The following ABTB2 variants were observed in gnomAD, a reference collection of about 807,000 sequenced individuals.
The protein encoded by ABTB2 is ankyrin repeat and BTB domain containing 2.
In ABTB2, 56 loss-of-function variants were observed where a neutral mutation model predicts 104.1. The ratio of observed to expected loss-of-function variants is 0.54; its 90% CI spans 0.43 to 0.67. The LOEUF (loss-of-function observed/expected upper bound fraction) is 0.67. ABTB2 is among the 30% of genes least tolerant of loss of function. The pLI is 0.00. For missense variants in ABTB2, 1,279 were observed against 1,407.7 expected, an observed-to-expected ratio of 0.91 and a Z score of 1.46; for synonymous variants, 606 against 608.2, an observed-to-expected ratio of 1.00 and a Z score of 0.05.
chr11:34,164,505 C>A (rs1328570369), intron 9 of ABTB2, among the ~76,000 whole-genome samples, 181 bp downstream of exon 9: 1 of 152,208 alleles, frequency 6.6e-6, no homozygotes, highest in Non-Finnish European at 1.5e-5. Flanking sequence ...GGGGCCTCCC[C>A]CATCTCTGGG....
chr11:34,353,831 G>A (rs1293098203), intron 1 of ABTB2, among the ~76,000 whole-genome samples: 1 of 152,216 alleles, frequency 6.6e-6, no homozygotes, highest in Non-Finnish European at 1.5e-5. Context: ...AGACCAGCAG[G>A]ACAAGAATTC....
chr11:34,237,434 C>T (rs968183290), intron 1 of ABTB2, among the ~76,000 whole-genome samples: 49 of 152,170 alleles, frequency 3.2e-4, no homozygotes, highest in African/African-American at 1.1e-3. Context: ...TGAGCCACTG[C>T]GCCTGGCCTT....
At chr11:34,342,965 G>A (rs10836189) in intron 1 of ABTB2, among the ~76,000 whole-genome samples, 21,714 of 142,118 alleles carry the variant, frequency 0.15, 2,643 homozygotes, top group East Asian at 0.36. Flanking sequence ...TTATTTATTC[G>A]TTCATTCATT....
chr11:34,305,730 T>C (rs1350674247), intron 1 of ABTB2, among the ~76,000 whole-genome samples: 1 of 152,162 alleles, frequency 6.6e-6, no homozygotes, highest in Non-Finnish European at 1.5e-5. Context: ...CTTAGAGAAA[T>C]AGAAAGGATA....
intron 16 of ABTB2, among the ~76,000 whole-genome samples, chr11:34,153,162 C>T (rs759169349): frequency 3.3e-5 from 5 of 151,976 alleles, no homozygotes; most frequent in African/African-American, 4.8e-5. Context: ...AGATGAAGGG[C>T]GGGAAAGAGC....
intron 3 of ABTB2, among the ~76,000 whole-genome samples, chr11:34,185,310 G>T (rs1565135283): frequency 6.6e-6 from 1 of 152,194 alleles, no homozygotes; most frequent in Non-Finnish European, 1.5e-5. Context: ...ATGGAGGGGT[G>T]GTACACTCCA....
chr11:34,165,112 C>T (rs1565129332), intron 8 of ABTB2, 148 bp downstream of exon 8: 4 of 796,240 alleles, frequency 5.0e-6, no homozygotes, highest in Non-Finnish European at 7.7e-6. Context: ...CAGGGGAAGC[C>T]CCCAGTGGTC....
intron 7 of ABTB2, among the ~76,000 whole-genome samples, chr11:34,166,208 C>T (rs998256267): frequency 1.3e-5 from 2 of 152,256 alleles, no homozygotes; most frequent in Non-Finnish European, 2.9e-5. Flanking sequence ...TAGGGGAGCC[C>T]AACCGCCCTT....
chr11:34,345,567 C>G (rs1246893220), intron 1 of ABTB2, among the ~76,000 whole-genome samples: 1 of 151,894 alleles, frequency 6.6e-6, no homozygotes, highest in Non-Finnish European at 1.5e-5. Context: ...TCCTCAAAGA[C>G]CAGTGTGGTA....
intron 1 of ABTB2, among the ~76,000 whole-genome samples, chr11:34,229,375 G>A (rs1590223520): frequency 1.3e-5 from 2 of 151,452 alleles, no homozygotes; most frequent in African/African-American, 4.8e-5. Flanking sequence ...CAGCTACTCG[G>A]GAGGCTAAGG....
intron 1 of ABTB2, among the ~76,000 whole-genome samples, chr11:34,264,963 C>T (rs891946165): frequency 2.6e-5 from 4 of 152,218 alleles, no homozygotes; most frequent in Admixed American, 1.3e-4. Context: ...TCTGAATCAG[C>T]ATGGAGGACA....
Position 34,357,645 on chromosome 11 carries a change from C to T in ABTB2, c.-62G>A, listed in dbSNP as rs1855484493. On this transcript the variant is annotated 5_prime_UTR_variant, in exon 1 of 17. Transcript: ENST00000435224. ...GCACTCACAACTCCATGCCCTCTTT[C>T]CCAAGTGGGCAGAAACAAGCTCTAG... The T allele has an allele frequency of 2.8e-6, 4 of 1,424,170 alleles. No individual in the cohort carries two copies. Among genetic ancestry groups the T allele is most frequent in the Non-Finnish European group, 1.8e-6 (2 of 1,084,394 alleles). 88.2% of individuals were successfully genotyped at this position (1,424,170 alleles called of 1,614,324 possible). A position where few individuals can be genotyped will look rare whatever the true frequency, so the allele number is the denominator to read the frequency against.
intron 1 of ABTB2, among the ~76,000 whole-genome samples, chr11:34,267,077 A>G (rs376108326): frequency 1.2e-4 from 19 of 152,300 alleles, no homozygotes; most frequent in Middle Eastern, 6.8e-3. Context: ...AATTCTCTCA[A>G]TGTAAATGGA....
chr11:34,351,419 G>A (rs1855396553), intron 1 of ABTB2, among the ~76,000 whole-genome samples: 2 of 152,120 alleles, frequency 1.3e-5, no homozygotes, highest in Admixed American at 6.5e-5. Flanking sequence ...TTCCTCTTGG[G>A]TATTGTACAC....
chr11:34,232,531 C>A (rs1480329401), intron 1 of ABTB2, among the ~76,000 whole-genome samples: 1 of 151,856 alleles, frequency 6.6e-6, no homozygotes, highest in Non-Finnish European at 1.5e-5. Flanking sequence ...CATCACGAGG[C>A]CTAACCTAAT....
intron 1 of ABTB2, among the ~76,000 whole-genome samples, chr11:34,337,192 G>A (rs756660339): frequency 2.0e-5 from 3 of 152,340 alleles, no homozygotes; most frequent in Middle Eastern, 3.4e-3. Context: ...CAGCACTTCC[G>A]GAACCTGGCT....
At chr11:34,229,730 A>C (rs1272650840) in intron 1 of ABTB2, among the ~76,000 whole-genome samples, 1 of 152,204 alleles carries the variant, frequency 6.6e-6, no homozygotes, top group Admixed American at 6.5e-5. Context: ...AAAATATAAA[A>C]AATACAGTCA....
At chr11:34,229,365 C>T (rs1197928726) in intron 1 of ABTB2, among the ~76,000 whole-genome samples, 2 of 150,650 alleles carry the variant, frequency 1.3e-5, no homozygotes, top group East Asian at 2.0e-4. Flanking sequence ...CCTGTAGTCC[C>T]AGCTACTCGG....
chr11:34,160,909 G>T lies in ABTB2; in HGVS notation c.2391C>A (p.Thr797=). ...GGCCACTGGCCACACTTACTTTGCT[G>T]GTCTTGAGGATGTCGAACATGAGCT... ...GLQLMFDILK[T]SKNDSVIQQL... is the part of the protein sequence containing the mutation. The change falls in exon 11 of 17, where the codon ACC becomes ACA. Residue 797 remains threonine, a synonymous_variant. Coordinates refer to ENST00000435224, the MANE Select transcript of ABTB2 (RefSeq NM_145804.3). 6.2e-7 allele frequency: 1 copy of T among 1,604,328 alleles called. No homozygotes were observed. Among genetic ancestry groups the T allele is most frequent in the Non-Finnish European group, 8.5e-7 (1 of 1,174,348 alleles).
Sources: allele counts gnomAD v4.1 joint callset (sites outside exome capture counted in the v4.1 genomes callset), GRCh38; gene constraint gnomAD v4.1.1; transcripts MANE v1.5; gene names NCBI Gene and HGNC (gene_info 2026-07-23, HGNC 2026-07-21).